HTR7: variants seen among roughly 807,000 people sequenced by gnomAD.
HTR7 encodes the protein 5-HT-7.
In HTR7, 16 loss-of-function variants were observed where a neutral mutation model predicts 34.0. That is an observed-to-expected ratio of 0.47 (90% CI 0.32 to 0.71). The LOEUF (loss-of-function observed/expected upper bound fraction) is 0.71, where lower values mean the gene tolerates loss of function less well. Among genes scored for constraint, HTR7 ranks in the 30% least tolerant of loss-of-function variants. The pLI is 0.04. For synonymous variants in HTR7, 265 were observed against 260.2 expected (o/e 1.02, Z -0.18); for missense variants, 504 against 625.5 (o/e 0.81, Z 2.07).
At chr10:90,751,520 T>C (rs1277568605) in intron 1 of HTR7, among the ~76,000 whole-genome samples, 2 of 152,100 alleles carry the variant, frequency 1.3e-5, no homozygotes, top group African/African-American at 4.8e-5. Context: ...GAGCCCAGGA[T>C]GGTGCCTCAG....
chr10:90,764,078 G>T (rs1440329896), intron 1 of HTR7, among the ~76,000 whole-genome samples: 3 of 152,212 alleles, frequency 2.0e-5, no homozygotes, highest in African/African-American at 4.8e-5. Context: ...CCCACCAACA[G>T]TGTGAAAGCA....
intron 1 of HTR7, among the ~76,000 whole-genome samples, chr10:90,846,905 C>T (rs919586924): frequency 6.6e-6 from 1 of 152,154 alleles, no homozygotes; most frequent in African/African-American, 2.4e-5. Flanking sequence ...GGGTTATTGA[C>T]TTGTGCTTCT....
intron 1 of HTR7, among the ~76,000 whole-genome samples, chr10:90,787,992 C>T (rs1283852991): frequency 1.3e-5 from 2 of 151,968 alleles, no homozygotes; most frequent in African/African-American, 4.8e-5. Flanking sequence ...CTGTAGGGTC[C>T]GGTTCGTAAG....
intron 1 of HTR7, among the ~76,000 whole-genome samples, chr10:90,834,384 C>T (rs538776772): frequency 1.8e-4 from 28 of 151,536 alleles, no homozygotes; most frequent in Non-Finnish European, 2.7e-4. Flanking sequence ...AACATAAATT[C>T]GGGGGGTGGG....
At chr10:90,819,386 C>A (rs1310984561) in intron 1 of HTR7, among the ~76,000 whole-genome samples, 2 of 152,102 alleles carry the variant, frequency 1.3e-5, no homozygotes, top group African/African-American at 2.4e-5. Context: ...CTTAGAAATT[C>A]TCTCCTCCTC....
chr10:90,792,296 G>A (rs1053546489), intron 1 of HTR7, among the ~76,000 whole-genome samples: 3 of 152,086 alleles, frequency 2.0e-5, no homozygotes, highest in African/African-American at 7.2e-5. Context: ...TTGGGTAAAT[G>A]AAGAATACAG....
At chr10:90,834,888 G>T (rs1485407359) in intron 1 of HTR7, among the ~76,000 whole-genome samples, 2 of 152,156 alleles carry the variant, frequency 1.3e-5, no homozygotes, top group African/African-American at 4.8e-5. Context: ...GTGCATGTAG[G>T]AACAGGAAGA....
chr10:90,835,790 AC>A (rs1482140501), intron 1 of HTR7, among the ~76,000 whole-genome samples: 2 of 152,156 alleles, frequency 1.3e-5, no homozygotes, highest in Non-Finnish European at 2.9e-5. Flanking sequence ...CTTGAGAGGG[AC>A]ACCTAACCCA....
intron 1 of HTR7, among the ~76,000 whole-genome samples, chr10:90,795,009 T>C (rs2119896551): frequency 6.6e-6 from 1 of 152,334 alleles, no homozygotes; most frequent in South Asian, 2.1e-4. Flanking sequence ...GAAAAAGCAT[T>C]ACTCAGCAGC....
In HTR7 at chr10:90,857,537, C is replaced by A; in HGVS notation, c.135G>T (p.Ala45=). The A allele has an allele frequency of 6.2e-7, 1 of 1,604,200 alleles. No individual in the cohort carries two copies. The highest frequency in any genetic ancestry group is 8.5e-7 in the Non-Finnish European group (1 of 1,175,976). ...GGADPVAGSW[A]PHLLSEVTAS... Reference sequence around the variant, plus strand: ...CTGTCACCTCGCTCAGCAGGTGCGGCGCCCAGGAGCCCGCGACCGGGTCGG... The same window carrying A: ...CTGTCACCTCGCTCAGCAGGTGCGGAGCCCAGGAGCCCGCGACCGGGTCGG... The change falls in exon 1 of 4, where the codon GCG becomes GCT. Residue 45 remains alanine, a synonymous_variant. Transcript: ENST00000336152. This position sits in a 1 kb window ranked among gnomAD's most constrained non-coding sequence, Gnocchi z 6.5.
At chr10:90,782,257 G>C (rs1845317041) in intron 1 of HTR7, among the ~76,000 whole-genome samples, 2 of 152,158 alleles carry the variant, frequency 1.3e-5, no homozygotes, top group Non-Finnish European at 2.9e-5. Context: ...ACAACATTCA[G>C]AAATGTGTGC....
intron 1 of HTR7, among the ~76,000 whole-genome samples, chr10:90,827,463 T>C (rs1846096172): frequency 6.6e-6 from 1 of 152,150 alleles, no homozygotes; most frequent in Non-Finnish European, 1.5e-5. Flanking sequence ...CCCAGTGTTC[T>C]GTTGCCTACT....
At chr10:90,754,125 A>G (rs2119692783) in intron 1 of HTR7, among the ~76,000 whole-genome samples, 1 of 152,238 alleles carries the variant, frequency 6.6e-6, no homozygotes, top group African/African-American at 2.4e-5. Flanking sequence ...CCTAATTTAT[A>G]TGATTCTGGC....
At chr10:90,808,929 G>T (rs1845751310) in intron 1 of HTR7, among the ~76,000 whole-genome samples, 2 of 152,066 alleles carry the variant, frequency 1.3e-5, no homozygotes, top group African/African-American at 4.8e-5. Flanking sequence ...TAGGCAAACG[G>T]TCTGAGGTGC....
intron 1 of HTR7, among the ~76,000 whole-genome samples, chr10:90,753,851 G>C (rs558014624): frequency 6.6e-6 from 1 of 152,074 alleles, no homozygotes; most frequent in South Asian, 2.1e-4. Context: ...AGCTCTTAAA[G>C]ATAAGTAATA....
At chr10:90,827,628 G>C (rs539764007) in intron 1 of HTR7, among the ~76,000 whole-genome samples, 4 of 152,152 alleles carry the variant, frequency 2.6e-5, no homozygotes, top group Non-Finnish European at 5.9e-5. Context: ...CATAAAAAGA[G>C]ACAAAGAAGG....
At position 90,757,665 on chromosome 10, in the gene HTR7, A is replaced by G. The variant is rs376109586; in HGVS notation, c.540-8071T>C. On this transcript the variant is annotated intron_variant, in intron 1 of 3. Transcript: ENST00000336152. The stretch of plus-strand genomic sequence containing the variant: ...AAGGCAGAATATCGATGAAAATTCA[A>G]CCACAGTATGTGAGAACAAACATTA... 3.3e-5 allele frequency among the ~76,000 whole-genome samples: 5 copies of G among 152,238 alleles called. No individual in the cohort carries two copies. The East Asian group carries it at 7.7e-4, about 23-fold the overall frequency.
At chr10:90,838,550 C>T (rs959966435) in intron 1 of HTR7, among the ~76,000 whole-genome samples, 6 of 152,204 alleles carry the variant, frequency 3.9e-5, no homozygotes, top group Non-Finnish European at 7.3e-5. Flanking sequence ...AAAAGCCAGA[C>T]CATTTCACCC....
chr10:90,854,179 C>A, intron 1 of HTR7, among the ~76,000 whole-genome samples: 1 of 152,166 alleles, frequency 6.6e-6, no homozygotes, highest in East Asian at 1.9e-4. Context: ...CATGGCAAAA[C>A]CCCGTGTCTA....
Sources: allele counts gnomAD v4.1 joint callset (sites outside exome capture counted in the v4.1 genomes callset), GRCh38; gene constraint gnomAD v4.1.1; non-coding constraint Gnocchi (gnomAD v3.1); transcripts MANE v1.5; gene names NCBI Gene and HGNC (gene_info 2026-07-23, HGNC 2026-07-21).